CYB5R4: variants seen among roughly 807,000 people sequenced by gnomAD.
The protein encoded by CYB5R4 is N-terminal cytochrome b5 and cytochrome b5 oxidoreductase domain-containing protein.
In CYB5R4, 55 loss-of-function variants were observed where a neutral mutation model predicts 70.2. The observed-to-expected ratio is 0.78, with a 90% CI of 0.63 to 0.98. The LOEUF is 0.98. Among genes scored for constraint, CYB5R4 ranks in the 50% least tolerant of loss-of-function variants. The pLI is 0.00. For missense variants in CYB5R4, 562 were observed against 612.6 expected (o/e 0.92, Z 0.87); for synonymous variants, 197 against 199.5 (o/e 0.99, Z 0.11).
At position 83,936,377 on chromosome 6, in the gene CYB5R4, G is replaced by A. The variant is rs2099468931; in HGVS notation, c.1108+1G>A. The A allele has an allele frequency of 6.2e-7, 1 of 1,610,444 alleles. No individual in the cohort carries two copies. Among genetic ancestry groups the A allele is most frequent in the Non-Finnish European group, 8.5e-7 (1 of 1,178,878 alleles). Reference sequence around the variant, plus strand: ...CCAGAGCTTGATCGTCTTCAGATTGGTTAGTATTTTTACATTTTTTAAACC... The same window carrying A: ...CCAGAGCTTGATCGTCTTCAGATTGATTAGTATTTTTACATTTTTTAAACC... On this transcript the variant is annotated splice_donor_variant, in intron 12 of 15. Coordinates refer to ENST00000369681, the MANE Select transcript of CYB5R4 (RefSeq NM_016230.4). LOFTEE classifies it high-confidence loss of function.
intron 7 of CYB5R4, 83 bp downstream of exon 7, chr6:83,919,537 T>G: frequency 1.6e-6 from 1 of 625,640 alleles, no homozygotes; most frequent in Non-Finnish European, 2.7e-6. Flanking sequence ...CACTTTTTTA[T>G]ATTATTTACT....
At chr6:83,861,896 T>A (rs2099455994) in intron 1 of CYB5R4, among the ~76,000 whole-genome samples, 1 of 152,228 alleles carries the variant, frequency 6.6e-6, no homozygotes, top group Non-Finnish European at 1.5e-5. Context: ...TGACCAGAAA[T>A]ATGCTGCAGG....
intron 8 of CYB5R4, among the ~76,000 whole-genome samples, 196 bp from the exon 9 acceptor site, chr6:83,922,242 A>G (rs7770104): frequency 0.19 from 28,582 of 152,198 alleles, 5,656 homozygotes; most frequent in African/African-American, 0.49. Context: ...GAGAAAAATG[A>G]AACAATTGAA....
rs759241854 is a variant in CYB5R4 at position 83,914,419 on chromosome 6, A to C, written c.416A>C (p.Tyr139Ser). 2 of 1,532,158 alleles carry C rather than the reference A, an allele frequency of 1.3e-6. No homozygotes were observed. The highest frequency in any genetic ancestry group is 4.6e-5 in the East Asian group (2 of 43,016). The allele number at this position is 1,532,158 out of a possible 1,614,324, so 94.9% of individuals were successfully genotyped here. ...MAIKPAVLKD[Y>S]REEEKKVLNG... ...TTTTTTCTAAATCACTATACAGACT[A>C]TCGTGAGGAGGAAAAGAAAGTCTTA... Residue 139 changes from tyrosine (Y) to serine (S), a missense_variant, in exon 5 of 16, where the codon TAT (tyrosine) becomes TCT (serine). By Grantham distance (144) the Tyr-to-Ser change is moderately radical. Transcript: ENST00000369681.
intron 2 of CYB5R4, among the ~76,000 whole-genome samples, chr6:83,887,686 A>G (rs1163975689): frequency 6.6e-6 from 1 of 152,036 alleles, no homozygotes; most frequent in East Asian, 1.9e-4. Context: ...GGCTCTTCTG[A>G]ACAGTTCTCA....
intron 2 of CYB5R4, among the ~76,000 whole-genome samples, chr6:83,889,377 G>A (rs755455988): frequency 1.8e-4 from 28 of 152,156 alleles, no homozygotes; most frequent in Non-Finnish European, 3.2e-4. Context: ...TAATGCAGCT[G>A]GTGACTTGAA....
intron 2 of CYB5R4, among the ~76,000 whole-genome samples, chr6:83,884,015 C>T (rs116306886): frequency 0.01 from 1,586 of 151,616 alleles, 35 homozygotes; most frequent in African/African-American, 0.036. Context: ...TTTGGTTAAC[C>T]CAAAAGAAGG....
At chr6:83,904,511 G>A (rs1024149269) in intron 3 of CYB5R4, among the ~76,000 whole-genome samples, 12 of 152,102 alleles carry the variant, frequency 7.9e-5, no homozygotes, top group African/African-American at 2.7e-4. Context: ...TTCTGCAATC[G>A]TTGGATAAAT....
At chr6:83,866,249 T>C (rs1010272404) in intron 2 of CYB5R4, among the ~76,000 whole-genome samples, 1 of 152,222 alleles carries the variant, frequency 6.6e-6, no homozygotes, top group African/African-American at 2.4e-5. Flanking sequence ...TTATTATTCA[T>C]ATGATGTATT....
intron 14 of CYB5R4, among the ~76,000 whole-genome samples, chr6:83,951,686 A>T (rs1018610658): frequency 1.3e-5 from 2 of 152,132 alleles, no homozygotes; most frequent in Non-Finnish European, 2.9e-5. Context: ...TCTAACATTG[A>T]TGGACATTTA....
intron 2 of CYB5R4, among the ~76,000 whole-genome samples, chr6:83,869,783 A>G (rs1032017553): frequency 6.6e-6 from 1 of 151,744 alleles, no homozygotes; most frequent in Non-Finnish European, 1.5e-5. Flanking sequence ...AGATCACACC[A>G]TTGCACTCCA....
At chr6:83,927,822 G>T (rs1486504672) in intron 10 of CYB5R4, among the ~76,000 whole-genome samples, 1 of 152,112 alleles carries the variant, frequency 6.6e-6, no homozygotes, top group Non-Finnish European at 1.5e-5. Context: ...CCTGTCCTCA[G>T]AGGTCTAGGA....
chr6:83,958,239 G>C (rs1039078621), intron 15 of CYB5R4, among the ~76,000 whole-genome samples: 2 of 152,152 alleles, frequency 1.3e-5, no homozygotes, highest in African/African-American at 4.8e-5. Context: ...CTTTATTACA[G>C]AGGTTAGTAA....
At chr6:83,886,919 A>G (rs1048888921) in intron 2 of CYB5R4, among the ~76,000 whole-genome samples, 3 of 152,184 alleles carry the variant, frequency 2.0e-5, no homozygotes, top group Non-Finnish European at 4.4e-5. Context: ...CAATTGGTAT[A>G]CTTTCTTTTC....
intron 1 of CYB5R4, among the ~76,000 whole-genome samples, chr6:83,860,288 T>C (rs1392895596): frequency 6.6e-6 from 1 of 152,130 alleles, no homozygotes; most frequent in Non-Finnish European, 1.5e-5. Context: ...AGGGAAAGGC[T>C]TGGCAGTGGC....
At chr6:83,906,043 C>A (rs184763776) in intron 3 of CYB5R4, among the ~76,000 whole-genome samples, 317 of 152,178 alleles carry the variant, frequency 2.1e-3, no homozygotes, top group African/African-American at 7.1e-3. Context: ...GGGGGTGAGG[C>A]CAGCCATGGC....
At chr6:83,946,005 C>T (rs1328621588) in intron 14 of CYB5R4, among the ~76,000 whole-genome samples, 1 of 152,172 alleles carries the variant, frequency 6.6e-6, no homozygotes, top group South Asian at 2.1e-4. Context: ...CAAAGAGGAG[C>T]TGGTACCATT....
intron 2 of CYB5R4, among the ~76,000 whole-genome samples, chr6:83,872,880 G>A (rs923540918): frequency 6.6e-6 from 1 of 152,184 alleles, no homozygotes; most frequent in African/African-American, 2.4e-5. Context: ...ACAGGGAGTA[G>A]TTCCCTGAAC....
At chr6:83,891,131 G>A (rs2129133664) in intron 2 of CYB5R4, among the ~76,000 whole-genome samples, 2 of 152,044 alleles carry the variant, frequency 1.3e-5, no homozygotes, top group South Asian at 4.2e-4. Context: ...TTTTTTTGTA[G>A]AGACAGGATC....
Sources: gnomAD v4.1 joint callset for allele counts (sites outside exome capture counted in the v4.1 genomes callset) on GRCh38, gnomAD v4.1.1 for gene constraint, MANE v1.5 for transcripts, NCBI Gene and HGNC (gene_info 2026-07-23, HGNC 2026-07-21) for gene names.